The following DCDC2C variants were observed in gnomAD, a reference collection of about 807,000 sequenced individuals.
DCDC2C encodes the protein doublecortin domain containing 2C.
In DCDC2C, 44 loss-of-function variants were observed where a neutral mutation model predicts 45.0. The observed-to-expected ratio is 0.98, with a 90% confidence interval of 0.77 to 1.26. The LOEUF (loss-of-function observed/expected upper bound fraction) is 1.26, where lower values mean the gene tolerates loss of function less well. Ranked by LOEUF, DCDC2C falls within the 50% of genes most tolerant of loss-of-function variation. DCDC2C has a pLI of 0.00. For missense variants in DCDC2C, 447 were observed against 468.9 expected, an observed-to-expected ratio of 0.95 and a Z score of 0.43; for synonymous variants, 187 against 178.8, an observed-to-expected ratio of 1.05 and a Z score of -0.37.
intron 10 of DCDC2C, among the ~76,000 whole-genome samples, chr2:3,829,574 T>A (rs1671905846): frequency 6.6e-6 from 1 of 152,176 alleles, no homozygotes; most frequent in Non-Finnish European, 1.5e-5. Flanking sequence ...TTTTCCTGTC[T>A]ATTTGGACAG....
chr2:3,737,445 C>G (rs542630749), intron 3 of DCDC2C, among the ~76,000 whole-genome samples: 1 of 147,152 alleles, frequency 6.8e-6, no homozygotes, highest in South Asian at 2.5e-4. Context: ...GATAGCGTGG[C>G]AATGGAAACA....
At chr2:3,785,792 G>T (rs988501274) in intron 10 of DCDC2C, among the ~76,000 whole-genome samples, 1 of 152,144 alleles carries the variant, frequency 6.6e-6, no homozygotes, top group Admixed American at 6.5e-5. Context: ...TCAGCACTCC[G>T]CAAAGGACGT....
chr2:3,715,148 C>T (rs1668316991), intron 2 of DCDC2C, among the ~76,000 whole-genome samples: 1 of 152,098 alleles, frequency 6.6e-6, no homozygotes, highest in South Asian at 2.1e-4. Context: ...AAACTCCTTT[C>T]TATTTAATGA....
At chr2:3,717,617 T>A (rs1423666469) in intron 2 of DCDC2C, among the ~76,000 whole-genome samples, 2 of 152,172 alleles carry the variant, frequency 1.3e-5, no homozygotes, top group Non-Finnish European at 2.9e-5. Context: ...CCCTTTCCCA[T>A]GTGATCACGT....
At chr2:3,759,210 G>A (rs1669810555) in intron 6 of DCDC2C, among the ~76,000 whole-genome samples, 1 of 152,214 alleles carries the variant, frequency 6.6e-6, no homozygotes, top group Non-Finnish European at 1.5e-5. Flanking sequence ...AAGTGTCTCA[G>A]AAGAGTCAGA....
intron 4 of DCDC2C, among the ~76,000 whole-genome samples, chr2:3,743,720 T>C (rs2148111619): frequency 6.6e-6 from 1 of 152,260 alleles, no homozygotes; most frequent in Non-Finnish European, 1.5e-5. Flanking sequence ...AAATAAATAC[T>C]AGAATTTATG....
At chr2:3,821,169 G>C (rs1296079339) in intron 10 of DCDC2C, among the ~76,000 whole-genome samples, 1 of 152,134 alleles carries the variant, frequency 6.6e-6, no homozygotes, top group Non-Finnish European at 1.5e-5. Flanking sequence ...GGTGCTCAGT[G>C]GGGGAGCTTC....
At chr2:3,741,724 C>T (rs1038981780) in intron 3 of DCDC2C, among the ~76,000 whole-genome samples, 196 bp from the exon 4 acceptor site, 8 of 149,822 alleles carry the variant, frequency 5.3e-5, no homozygotes, top group Non-Finnish European at 8.8e-5. Flanking sequence ...TACACACACG[C>T]GCGCGTCTGT....
Position 3,719,981 on chromosome 2 carries a change from G to A in DCDC2C, c.340-7022G>A, listed in dbSNP as rs533500230. Among the ~76,000 whole-genome samples, 9 of 152,306 alleles carry A rather than the reference G, an allele frequency of 5.9e-5. No individual in the cohort carries two copies. In the South Asian group the frequency reaches 8.3e-4, roughly 14 times the overall value. ...GGGTGTGCTTGGGACGACCCAGCCC[G>A]TGTGCCAGGGGTTTGGGTTTGCAGG... On this transcript the variant is annotated intron_variant, in intron 2 of 10. Transcript: ENST00000399143.
intron 10 of DCDC2C, among the ~76,000 whole-genome samples, chr2:3,795,905 A>G (rs960043691): frequency 2.7e-4 from 33 of 120,250 alleles, no homozygotes; most frequent in Middle Eastern, 4.1e-3. Flanking sequence ...TTCCGTGAAG[A>G]AAGTCATTGG....
intron 10 of DCDC2C, among the ~76,000 whole-genome samples, chr2:3,802,117 T>C (rs1011531069): frequency 9.2e-5 from 14 of 152,258 alleles, no homozygotes; most frequent in African/African-American, 3.4e-4. Flanking sequence ...TTGTCGTTCA[T>C]GGAAAGTTAT....
intron 2 of DCDC2C, among the ~76,000 whole-genome samples, chr2:3,715,337 G>T (rs533865940): frequency 1.3e-5 from 2 of 152,198 alleles, no homozygotes; most frequent in Non-Finnish European, 2.9e-5. Flanking sequence ...ATTATACCAA[G>T]TTAAATCTGT....
intron 10 of DCDC2C, among the ~76,000 whole-genome samples, chr2:3,786,856 A>G (rs1370057337): frequency 1.3e-5 from 2 of 152,272 alleles, no homozygotes; most frequent in African/African-American, 4.8e-5. Context: ...TTACATGTTT[A>G]TAGGTTTACT....
chr2:3,757,918 A>C (rs888671643), intron 6 of DCDC2C, among the ~76,000 whole-genome samples: 6 of 152,158 alleles, frequency 3.9e-5, no homozygotes, highest in African/African-American at 1.4e-4. Context: ...AGGAAGAAAC[A>C]CCTGATACCT....
chr2:3,776,830 T>A (rs1006528688), intron 8 of DCDC2C, among the ~76,000 whole-genome samples: 7 of 152,148 alleles, frequency 4.6e-5, no homozygotes, highest in Admixed American at 1.3e-4. Context: ...GCGGTCTCCT[T>A]CCCCTGTCCT....
chr2:3,769,041 A>G (rs2148153821), intron 7 of DCDC2C: 1 of 363,454 alleles, frequency 2.8e-6, no homozygotes, highest in East Asian at 4.6e-5. Context: ...CAATTGCATG[A>G]CTTTCAGGGT....
At chr2:3,728,828 G>T (rs1668777151) in intron 3 of DCDC2C, among the ~76,000 whole-genome samples, 1 of 152,266 alleles carries the variant, frequency 6.6e-6, no homozygotes, top group Non-Finnish European at 1.5e-5. Context: ...TGAATGGCTT[G>T]TTGAGCTGTG....
chr2:3,754,304 G>A (rs1033814083), intron 5 of DCDC2C, among the ~76,000 whole-genome samples: 2 of 152,254 alleles, frequency 1.3e-5, no homozygotes, highest in Non-Finnish European at 2.9e-5. Context: ...AGAGGAATTA[G>A]AAATGGGATG....
intron 10 of DCDC2C, among the ~76,000 whole-genome samples, chr2:3,828,237 C>T (rs576374865): frequency 4.6e-5 from 7 of 152,322 alleles, no homozygotes; most frequent in South Asian, 2.1e-4. Flanking sequence ...ACAGTGATTA[C>T]CTGTCTTGTG....
Sources: allele counts gnomAD v4.1 joint callset (sites outside exome capture counted in the v4.1 genomes callset), GRCh38; gene constraint gnomAD v4.1.1; transcripts MANE v1.5; gene names NCBI Gene and HGNC (gene_info 2026-07-23, HGNC 2026-07-21).